The following KIAA1671 variants were observed in gnomAD, a reference collection of about 807,000 sequenced individuals.
The protein encoded by KIAA1671 is KIAA1671.
Under a neutral mutation model 131.2 loss-of-function variants are expected in KIAA1671, and 52 were observed. That is an observed-to-expected ratio of 0.40 (90% CI 0.32 to 0.50). KIAA1671 has a LOEUF of 0.50. KIAA1671 is among the 20% of genes least tolerant of loss of function. KIAA1671 has a pLI of 0.73. For missense variants in KIAA1671, 2,360 were observed against 2,364.2 expected (o/e 1.00, Z 0.04); for synonymous variants, 1,003 against 961.6 (o/e 1.04, Z -0.80).
chr22:25,002,436 C>T (rs1450637462), intron 1 of KIAA1671, among the ~76,000 whole-genome samples: 1 of 152,108 alleles, frequency 6.6e-6, no homozygotes, highest in East Asian at 1.9e-4. Context: ...GGCTTCCTCC[C>T]CAGAGGAAGG....
intron 6 of KIAA1671, among the ~76,000 whole-genome samples, chr22:25,147,434 C>T (rs1932902862): frequency 6.6e-6 from 1 of 152,072 alleles, no homozygotes; most frequent in Non-Finnish European, 1.5e-5. Flanking sequence ...CTCAGGTGAT[C>T]CACCTGCCTC....
intron 6 of KIAA1671, among the ~76,000 whole-genome samples, chr22:25,144,056 A>G (rs1404583898): frequency 3.3e-5 from 5 of 152,150 alleles, no homozygotes; most frequent in South Asian, 2.1e-4. Flanking sequence ...AACAGTACCA[A>G]TGTCATAGAA....
At chr22:25,119,547 G>A (rs1931837603) in intron 6 of KIAA1671, among the ~76,000 whole-genome samples, 1 of 152,244 alleles carries the variant, frequency 6.6e-6, no homozygotes, top group Non-Finnish European at 1.5e-5. Context: ...ACTCATAGGA[G>A]CAGGGAGACA....
Position 25,029,282 on chromosome 22 carries a change from G to C in KIAA1671, c.1283G>C (p.Gly428Ala). The change falls in exon 3 of 13, where the codon GGG becomes GCG. Residue 428 changes from glycine (G) to alanine (A), a missense_variant. Transcript: ENST00000358431. ...SRVADGEAAAGGEWASRRSVR... is the reference protein window; with the variant it reads ...SRVADGEAAAAGEWASRRSVR... ...GTGGCGGATGGGGAGGCCGCGGCAG[G>C]GGGAGAGTGGGCCTCCAGGAGGAGT... 6.6e-7 allele frequency: 1 copy of C among 1,514,430 alleles called. No homozygotes were observed. The highest frequency in any genetic ancestry group is 2.5e-5 in the East Asian group (1 of 40,526). 93.8% of individuals were successfully genotyped at this position (1,514,430 alleles called of 1,614,324 possible).
At chr22:25,111,094 G>C (rs1360069344) in intron 6 of KIAA1671, 1 of 152,512 alleles carries the variant, frequency 6.6e-6, no homozygotes, top group Non-Finnish European at 1.5e-5. Context: ...AATCAACAGA[G>C]AAACAGACCA....
chr22:25,122,949 G>T (rs1461839865), intron 6 of KIAA1671, among the ~76,000 whole-genome samples: 1 of 151,836 alleles, frequency 6.6e-6, no homozygotes, highest in African/African-American at 2.4e-5. Flanking sequence ...CACACCAGCC[G>T]GGGCGACAGA....
At chr22:24,960,546 CAAA>C (rs56207857) in intron 1 of KIAA1671, among the ~76,000 whole-genome samples, 5 of 79,976 alleles carry the variant, frequency 6.3e-5, no homozygotes, top group Non-Finnish European at 5.5e-5. Flanking sequence ...GACTCCGTCT[CAAA>C]AAAAAAAAAA....
chr22:25,017,491 CT>C (rs1569207156), intron 1 of KIAA1671, among the ~76,000 whole-genome samples: 2 of 152,194 alleles, frequency 1.3e-5, no homozygotes, highest in East Asian at 3.9e-4. Context: ...CTGCCCTGAC[CT>C]GTTTTAGCTA....
chr22:25,054,316 A>G (rs1302975827), intron 6 of KIAA1671: 12 of 148,912 alleles, frequency 8.1e-5, no homozygotes, highest in African/African-American at 2.9e-4. Flanking sequence ...TTTTTTTCTT[A>G]AACAACAGAA....
intron 6 of KIAA1671, among the ~76,000 whole-genome samples, chr22:25,101,133 C>T (rs1484411891): frequency 2.6e-5 from 4 of 152,184 alleles, no homozygotes; most frequent in Admixed American, 2.6e-4. Flanking sequence ...TTGTCCAGCC[C>T]CAGGCAGTGT....
At chr22:25,068,778 C>T (rs993405311) in intron 6 of KIAA1671, among the ~76,000 whole-genome samples, 2 of 152,178 alleles carry the variant, frequency 1.3e-5, no homozygotes, top group Non-Finnish European at 2.9e-5. Flanking sequence ...AGATGCTCTG[C>T]CTGGTGTCCA....
intron 1 of KIAA1671, among the ~76,000 whole-genome samples, chr22:24,965,560 G>A (rs1922255223): frequency 6.6e-6 from 1 of 151,600 alleles, no homozygotes; most frequent in African/African-American, 2.4e-5. Context: ...CCAACATGGT[G>A]AAACCCTGTC....
chr22:24,979,502 A>G (rs928458831), intron 1 of KIAA1671, among the ~76,000 whole-genome samples: 221 of 150,974 alleles, frequency 1.5e-3, no homozygotes, highest in African/African-American at 5.2e-3. Flanking sequence ...GACACCTGCC[A>G]CCGCGCCCGG....
chr22:25,015,488 A>G (rs1925260990), intron 1 of KIAA1671, among the ~76,000 whole-genome samples: 1 of 152,178 alleles, frequency 6.6e-6, no homozygotes, highest in Admixed American at 6.5e-5. Flanking sequence ...TGAAAGTTGA[A>G]AAGGCGGAGG....
Position 24,995,291 on chromosome 22 carries a change from A to T in KIAA1671, c.-207-30342A>T, listed in dbSNP as rs540791652. Among the ~76,000 whole-genome samples the T allele has an allele frequency of 3.3e-5, 5 of 149,662 alleles. No homozygotes were observed. In the South Asian group the frequency reaches 1.1e-3, roughly 32 times the overall value. On this transcript the variant is annotated intron_variant, in intron 1 of 12. Transcript: ENST00000358431. ...ATGGTCTCGATCTCCTGACCTCGTGATCTGCCCACCTTGGCCTCCCAAAGT... is the reference window on the plus strand; with the variant it reads ...ATGGTCTCGATCTCCTGACCTCGTGTTCTGCCCACCTTGGCCTCCCAAAGT...
intron 6 of KIAA1671, among the ~76,000 whole-genome samples, chr22:25,092,877 G>A (rs1257383634): frequency 6.6e-6 from 1 of 152,194 alleles, no homozygotes; most frequent in Non-Finnish European, 1.5e-5. Flanking sequence ...AAGAGGAGAG[G>A]CTGGCCTGGG....
At chr22:25,035,462 C>T (rs1926538177) in intron 4 of KIAA1671, among the ~76,000 whole-genome samples, 1 of 152,054 alleles carries the variant, frequency 6.6e-6, no homozygotes, top group African/African-American at 2.4e-5. Context: ...AAAATAACAC[C>T]AGTGCTTGGT....
At chr22:25,052,964 C>T (rs1244999204) in intron 6 of KIAA1671, 1 of 152,218 alleles carries the variant, frequency 6.6e-6, no homozygotes. Flanking sequence ...TTTCCGCCAG[C>T]CTTGGTTTCC....
In KIAA1671 at chr22:25,039,190, C is replaced by T. The variant is rs1017995548; in HGVS notation, c.2060C>T (p.Thr687Ile). 1.4e-5 allele frequency: 21 copies of T among 1,552,100 alleles called. No homozygotes were observed. The East Asian group carries it at 4.9e-4, about 36-fold the overall frequency. ...CCCGAGACGGAGAAATTGGGACCAA[C>T]CACCCTTTTGAATGGTGAACTGAGA... ...DNPETEKLGP[T>I]TLLNGELRPY... is the part of the protein sequence containing the mutation. Residue 687 changes from threonine to isoleucine, a missense_variant, in exon 5 of 13, where the codon ACC becomes ATC. Coordinates refer to ENST00000358431, the MANE Select transcript of KIAA1671 (RefSeq NM_001145206.2).
Sources: gnomAD v4.1 joint callset for allele counts (sites outside exome capture counted in the v4.1 genomes callset) on GRCh38, gnomAD v4.1.1 for gene constraint, MANE v1.5 for transcripts, NCBI Gene and HGNC (gene_info 2026-07-23, HGNC 2026-07-21) for gene names.